The following HS2ST1 variants were observed in gnomAD, a reference collection of about 807,000 sequenced individuals.
HS2ST1 encodes the protein 2-O-sulfotransferase.
HS2ST1 carries 18 observed loss-of-function variants against 42.9 expected under a neutral mutation model. The observed-to-expected ratio is 0.42, with a 90% CI of 0.29 to 0.62. HS2ST1 has a LOEUF of 0.62. Ranked by LOEUF, HS2ST1 falls within the 20% of genes least tolerant of loss-of-function variation. The pLI is 0.21. For missense variants in HS2ST1, 334 were observed against 433.8 expected (o/e 0.77, Z 2.04); for synonymous variants, 146 against 152.9 (o/e 0.95, Z 0.33).
intron 1 of HS2ST1, among the ~76,000 whole-genome samples, chr1:87,049,910 T>A (rs1160592171): frequency 2.0e-5 from 3 of 152,098 alleles, no homozygotes; most frequent in Non-Finnish European, 2.9e-5. Context: ...TTAATTCATA[T>A]GTTTTTAAAA....
At chr1:87,060,112 G>C (rs1283033274) in intron 1 of HS2ST1, among the ~76,000 whole-genome samples, 1 of 152,036 alleles carries the variant, frequency 6.6e-6, no homozygotes, top group Non-Finnish European at 1.5e-5. Context: ...TTTGGTTGTG[G>C]TTTTTTATAA....
intron 1 of HS2ST1, among the ~76,000 whole-genome samples, chr1:86,945,797 A>C (rs1178779179): frequency 1.3e-5 from 2 of 152,194 alleles, no homozygotes; most frequent in African/African-American, 4.8e-5. Context: ...GGCCAGGTGC[A>C]GTGGCTCATG....
In HS2ST1 at chr1:87,097,906, G is replaced by C. The variant is rs752107517; in HGVS notation, c.657G>C (p.Pro219=). 6.2e-7 allele frequency: 1 copy of C among 1,613,902 alleles called. No individual in the cohort carries two copies. The highest frequency in any genetic ancestry group is 8.5e-7 in the Non-Finnish European group (1 of 1,179,930). ...CAPEKLWLQI[P]FFCGHSSECW... is the part of the protein sequence containing the mutation. ...CAGAGAAGCTCTGGCTTCAAATCCCGTTCTTCTGTGGCCATAGCTCCGAAT... is the reference window on the plus strand; with the variant it reads ...CAGAGAAGCTCTGGCTTCAAATCCCCTTCTTCTGTGGCCATAGCTCCGAAT... Residue 219 remains proline (P), a synonymous_variant, in exon 5 of 7, where the codon CCG becomes CCC. Transcript: ENST00000370550.
At position 87,107,772 on chromosome 1, in the gene HS2ST1, A is replaced by G. The variant is rs1389230827; in HGVS notation, c.*3076A>G. On this transcript the variant is annotated 3_prime_UTR_variant, in exon 7 of 7. Transcript: ENST00000370550. ...AATTATTGTGATTGTTTTAAAATCT[A>G]ATGGGAAGTAAAATATATTTTGATT... The G allele has an allele frequency of 6.6e-6, 1 of 152,002 alleles. No homozygotes were observed. The highest frequency in any genetic ancestry group is 2.4e-5 in the African/African-American group (1 of 41,418). 9.4% of individuals were successfully genotyped at this position (152,002 alleles called of 1,614,324 possible). A position where few individuals can be genotyped will look rare whatever the true frequency, so the allele number is the denominator to read the frequency against.
intron 1 of HS2ST1, among the ~76,000 whole-genome samples, chr1:87,002,867 G>C (rs1649331945): frequency 6.6e-6 from 1 of 152,162 alleles, no homozygotes; most frequent in Non-Finnish European, 1.5e-5. Flanking sequence ...CTAGAATGTA[G>C]ATATGGAACA....
At chr1:87,072,036 A>G (rs1461120312) in intron 1 of HS2ST1, among the ~76,000 whole-genome samples, 1 of 152,064 alleles carries the variant, frequency 6.6e-6, no homozygotes, top group Non-Finnish European at 1.5e-5. Context: ...GTATATTAGA[A>G]TGTATAGATA....
At chr1:87,054,343 A>G (rs555296125) in intron 1 of HS2ST1, among the ~76,000 whole-genome samples, 1 of 152,250 alleles carries the variant, frequency 6.6e-6, no homozygotes, top group African/African-American at 2.4e-5. Flanking sequence ...CCCTCTACCC[A>G]TAAGAATCTG....
chr1:87,009,853 T>C (rs1649545115), intron 1 of HS2ST1, among the ~76,000 whole-genome samples: 2 of 151,856 alleles, frequency 1.3e-5, no homozygotes, highest in Admixed American at 6.6e-5. Context: ...GCTAACACGG[T>C]GAAACCCCGT....
At chr1:87,005,302 C>T (rs886722066) in intron 1 of HS2ST1, among the ~76,000 whole-genome samples, 7 of 152,134 alleles carry the variant, frequency 4.6e-5, no homozygotes, top group Non-Finnish European at 1.0e-4. Context: ...GTACCTTATC[C>T]TCCAATTTTC....
intron 1 of HS2ST1, among the ~76,000 whole-genome samples, chr1:86,920,207 A>G (rs1194486353): frequency 6.6e-6 from 1 of 152,214 alleles, no homozygotes; most frequent in African/African-American, 2.4e-5. Flanking sequence ...ACATGGGGAA[A>G]ATAATTGAGA....
At chr1:87,029,354 T>C (rs1650169914) in intron 1 of HS2ST1, among the ~76,000 whole-genome samples, 2 of 152,194 alleles carry the variant, frequency 1.3e-5, no homozygotes, top group African/African-American at 2.4e-5. Flanking sequence ...TGTACTGTTA[T>C]TCTAAACATT....
chr1:87,091,106 C>T (rs926456597), intron 3 of HS2ST1, among the ~76,000 whole-genome samples: 1 of 151,848 alleles, frequency 6.6e-6, no homozygotes, highest in Non-Finnish European at 1.5e-5. Context: ...AATGTTAGCT[C>T]TAGAAGGACA....
intron 1 of HS2ST1, among the ~76,000 whole-genome samples, chr1:87,058,902 A>C (rs1364840026): frequency 6.6e-6 from 1 of 151,656 alleles, no homozygotes; most frequent in African/African-American, 2.4e-5. Flanking sequence ...TACTAAAAAT[A>C]CAAAAAATTA....
chr1:86,956,069 C>T (rs1414301716), intron 1 of HS2ST1, among the ~76,000 whole-genome samples: 1 of 152,142 alleles, frequency 6.6e-6, no homozygotes, highest in African/African-American at 2.4e-5. Context: ...TCTCTTCATA[C>T]ATATATGTGT....
At chr1:87,050,620 T>C (rs1164888386) in intron 1 of HS2ST1, among the ~76,000 whole-genome samples, 1 of 152,116 alleles carries the variant, frequency 6.6e-6, no homozygotes, top group African/African-American at 2.4e-5. Flanking sequence ...TTGTTATTGA[T>C]TTTAGACTAC....
chr1:86,943,045 A>G (rs1354608540), intron 1 of HS2ST1, among the ~76,000 whole-genome samples: 1 of 152,192 alleles, frequency 6.6e-6, no homozygotes, highest in African/African-American at 2.4e-5. Context: ...TTAAAATATT[A>G]TGACCTTTAA....
chr1:86,927,642 A>C (rs137993049), intron 1 of HS2ST1, among the ~76,000 whole-genome samples: 203 of 152,248 alleles, frequency 1.3e-3, no homozygotes, highest in Non-Finnish European at 1.9e-3. Flanking sequence ...GAGTGATCAG[A>C]TGATGTCAGT....
At chr1:87,073,569 TAGAG>T (rs1344131659) in intron 2 of HS2ST1, among the ~76,000 whole-genome samples, 2 of 152,080 alleles carry the variant, frequency 1.3e-5, no homozygotes, top group East Asian at 3.9e-4. Flanking sequence ...CTTTACTAGA[TAGAG>T]ATAGAGATAG....
In HS2ST1 at chr1:86,914,951, G is replaced by T; in HGVS notation, c.-86G>T. The T allele has an allele frequency of 6.5e-7, 1 of 1,540,054 alleles. No homozygotes were observed. ...TCTCTCTTTGCCTCGCTCCCGGCTC[G>T]GCGGGCTCCTCCCGGCGTCTCTCTC... On this transcript the variant is annotated 5_prime_UTR_variant, in exon 1 of 7. Transcript: ENST00000370550.
Sources: allele counts gnomAD v4.1 joint callset (sites outside exome capture counted in the v4.1 genomes callset), GRCh38; gene constraint gnomAD v4.1.1; transcripts MANE v1.5; gene names NCBI Gene and HGNC (gene_info 2026-07-23, HGNC 2026-07-21).